CEP112: variants seen among roughly 807,000 people sequenced by gnomAD.
CEP112 encodes centrosomal protein of 112 kDa.
CEP112 carries 127 observed loss-of-function variants against 153.0 expected under a neutral mutation model. That is an observed-to-expected ratio of 0.83 (90% confidence interval 0.72 to 0.96). CEP112 has a LOEUF of 0.96. Among genes scored for constraint, CEP112 ranks in the 40% least tolerant of loss-of-function variants. The pLI is 0.00. For missense variants in CEP112, 1,089 were observed against 1,101.2 expected, an observed-to-expected ratio of 0.99 and a Z score of 0.16; for synonymous variants, 358 against 374.4, an observed-to-expected ratio of 0.96 and a Z score of 0.51.
chr17:66,185,723 C>T (rs796131295), intron 1 of CEP112, among the ~76,000 whole-genome samples: 20 of 152,234 alleles, frequency 1.3e-4, no homozygotes, highest in Admixed American at 5.2e-4. Context: ...TAGGGATGTG[C>T]GCTACCTTTA....
At chr17:65,727,016 A>T (rs1323223471) in intron 23 of CEP112, among the ~76,000 whole-genome samples, 4 of 152,204 alleles carry the variant, frequency 2.6e-5, no homozygotes, top group Non-Finnish European at 5.9e-5. Context: ...GTCAGGGGGA[A>T]CTGCTGGCCC....
At chr17:66,065,629 C>CTTTTT (rs34757999) in intron 10 of CEP112, among the ~76,000 whole-genome samples, 1 of 140,248 alleles carries the variant, frequency 7.1e-6, no homozygotes, top group African/African-American at 2.7e-5. Context: ...ATTTTAAAAT[C>CTTTTT]TTTTTTTTTT....
At chr17:66,118,367 T>C (rs551309444) in intron 6 of CEP112, among the ~76,000 whole-genome samples, 8 of 152,230 alleles carry the variant, frequency 5.3e-5, no homozygotes, top group African/African-American at 1.9e-4. Flanking sequence ...TTGAATATTA[T>C]TTAGCTATAA....
chr17:66,063,048 C>A lies in CEP112; in HGVS notation c.989G>T (p.Arg330Ile), dbSNP rs963407593. Residue 330 changes from arginine to isoleucine, a missense_variant, in exon 11 of 27, where the codon AGA (arginine) becomes ATA (isoleucine). By Grantham distance (97) the Arg-to-Ile change is moderately conservative (BLOSUM62 -3). Transcript: ENST00000535342. ...TGCAATCTGGTCTTCTTTAGTCTCT[C>A]TGATAACTTGACAGTCACGTATCAG... ...QTLIRDCQVIRETKEDQIAEL... is the reference protein window; with the variant it reads ...QTLIRDCQVIIETKEDQIAEL... The A allele has an allele frequency of 2.5e-6, 4 of 1,592,200 alleles. No homozygotes were observed. The African/African-American group carries it at 5.4e-5, about 22-fold the overall frequency.
intron 24 of CEP112, among the ~76,000 whole-genome samples, chr17:65,658,762 T>G (rs926837119): frequency 6.6e-6 from 1 of 151,792 alleles, no homozygotes; most frequent in Non-Finnish European, 1.5e-5. Flanking sequence ...GGCTCATCTA[T>G]AAGGGACTTC....
chr17:66,118,153 A>G (rs1452741866), intron 6 of CEP112, among the ~76,000 whole-genome samples: 1 of 152,152 alleles, frequency 6.6e-6, no homozygotes, highest in Non-Finnish European at 1.5e-5. Flanking sequence ...ATCAATCCCA[A>G]TGCTGGGTCT....
At chr17:66,150,363 A>AT (rs2071152611) in intron 4 of CEP112, among the ~76,000 whole-genome samples, 1 of 140,474 alleles carries the variant, frequency 7.1e-6, no homozygotes, top group Non-Finnish European at 1.6e-5. Flanking sequence ...ATGCCCAGCT[A>AT]ATTTTTTTTT....
At chr17:65,939,204 T>C (rs1326230503) in intron 18 of CEP112, among the ~76,000 whole-genome samples, 1 of 152,152 alleles carries the variant, frequency 6.6e-6, no homozygotes, top group East Asian at 1.9e-4. Flanking sequence ...GATGTATACA[T>C]TGAAAACTAT....
At chr17:65,970,222 C>CTG in intron 17 of CEP112, among the ~76,000 whole-genome samples, 1 of 42,950 alleles carries the variant, frequency 2.3e-5, no homozygotes, top group African/African-American at 6.7e-5. Context: ...CATGCATATA[C>CTG]CATGCATATA....
intron 17 of CEP112, among the ~76,000 whole-genome samples, chr17:65,982,705 C>T (rs909150652): frequency 3.3e-5 from 5 of 152,186 alleles, no homozygotes; most frequent in African/African-American, 1.2e-4. Flanking sequence ...CAATTCCACT[C>T]CTGGGTATAT....
intron 22 of CEP112, among the ~76,000 whole-genome samples, chr17:65,747,800 G>T (rs1307812906): frequency 6.6e-6 from 1 of 152,164 alleles, no homozygotes; most frequent in Non-Finnish European, 1.5e-5. Context: ...AGTGTACACG[G>T]TCTATTAGGT....
chr17:66,189,426 C>A (rs1455616732), intron 1 of CEP112, among the ~76,000 whole-genome samples: 1 of 151,422 alleles, frequency 6.6e-6, no homozygotes, highest in Non-Finnish European at 1.5e-5. Context: ...ATCGCTTGAA[C>A]CCGGGAGGCG....
intron 25 of CEP112, among the ~76,000 whole-genome samples, chr17:65,639,989 C>A (rs912136725): frequency 1.3e-5 from 2 of 149,628 alleles, no homozygotes; most frequent in Non-Finnish European, 3.0e-5. Flanking sequence ...AGGCATGCAC[C>A]ACCATGCCTG....
chr17:65,810,892 A>G (rs2055909823), intron 21 of CEP112, among the ~76,000 whole-genome samples: 2 of 152,174 alleles, frequency 1.3e-5, no homozygotes, highest in Admixed American at 1.3e-4. Context: ...AAGGTGGAAC[A>G]TGGATATAGA....
intron 18 of CEP112, among the ~76,000 whole-genome samples, chr17:65,937,149 A>G (rs866702705): frequency 0.051 from 7,403 of 144,894 alleles, 298 homozygotes; most frequent in African/African-American, 0.095. Context: ...GTGCAGTGGC[A>G]TGATCTCGGC....
chr17:65,709,247 A>G (rs1272841005), intron 23 of CEP112, among the ~76,000 whole-genome samples: 1 of 152,268 alleles, frequency 6.6e-6, no homozygotes, highest in Non-Finnish European at 1.5e-5. Flanking sequence ...ACATTAATAA[A>G]GATTTGCAAT....
At chr17:66,119,207 G>A (rs1248873246) in intron 6 of CEP112, among the ~76,000 whole-genome samples, 1 of 152,134 alleles carries the variant, frequency 6.6e-6, no homozygotes, top group Non-Finnish European at 1.5e-5. Flanking sequence ...AGGCTAGAGG[G>A]TTGTGGGGAG....
At chr17:66,087,996 C>T (rs754322239) in intron 8 of CEP112, among the ~76,000 whole-genome samples, 16 of 152,052 alleles carry the variant, frequency 1.1e-4, no homozygotes, top group African/African-American at 4.8e-5. Flanking sequence ...TCTCACAGCC[C>T]CAGGCTCCAG....
At chr17:65,757,820 T>C (rs556036017) in intron 21 of CEP112, among the ~76,000 whole-genome samples, 7 of 152,318 alleles carry the variant, frequency 4.6e-5, no homozygotes, top group South Asian at 4.1e-4. Flanking sequence ...ATTTTTTGAA[T>C]AGCTTTAGTA....
Sources: gnomAD v4.1 joint callset for allele counts (sites outside exome capture counted in the v4.1 genomes callset) on GRCh38, gnomAD v4.1.1 for gene constraint, MANE v1.5 for transcripts, NCBI Gene and HGNC (gene_info 2026-07-23, HGNC 2026-07-21) for gene names.